ADGRV1: variants seen among roughly 807,000 people sequenced by gnomAD.
ADGRV1 encodes the protein G-protein coupled receptor 98.
In ADGRV1, 359 loss-of-function variants were observed where a neutral mutation model predicts 596.2. The ratio of observed to expected loss-of-function variants is 0.60; its 90% confidence interval spans 0.55 to 0.66. The LOEUF (loss-of-function observed/expected upper bound fraction) is 0.66. Among genes scored for constraint, ADGRV1 ranks in the 30% least tolerant of loss-of-function variants. ADGRV1 has a pLI of 0.00. For missense variants in ADGRV1, 7,274 were observed against 7,575.6 expected, an observed-to-expected ratio of 0.96 and a Z score of 1.48; for synonymous variants, 2,681 against 2,679.2, an observed-to-expected ratio of 1.00 and a Z score of -0.02.
At chr5:90,896,466 G>C (rs1561909474) in intron 83 of ADGRV1, among the ~76,000 whole-genome samples, 1 of 151,632 alleles carries the variant, frequency 6.6e-6, no homozygotes, top group Admixed American at 6.6e-5. Context: ...GTAGAGATAG[G>C]GTTTTGCCAT....
rs189967386 is a variant in ADGRV1, at chr5:90,644,711, T to G, written c.2740T>G (p.Tyr914Asp). ...SKGDAIYSAV[Y>D]DVVRNRGNFG... ...TGTATGTTTCCATTTCACAGCTGTT[T>G]ATGATGTAGTAAGAAATCGAGGCAA... Residue 914 changes from tyrosine to aspartate, a missense_variant, in exon 15 of 90, where the codon TAT becomes GAT. This residue lies in a region of ADGRV1 where 1,715 missense variants were observed against 1,708.8 expected (regional missense o/e 1.00). Transcript: ENST00000405460. The G allele has an allele frequency of 4.4e-6, 7 of 1,606,626 alleles. No individual in the cohort carries two copies. The highest frequency in any genetic ancestry group is 2.7e-5 in the African/African-American group (2 of 74,632).
chr5:90,882,788 T>A (rs950431473), intron 83 of ADGRV1, among the ~76,000 whole-genome samples: 1 of 152,162 alleles, frequency 6.6e-6, no homozygotes, highest in African/African-American at 2.4e-5. Context: ...TAAAAAATAG[T>A]CAACTAATAA....
chr5:91,151,059 C>T (rs1796010905), intron 88 of ADGRV1, among the ~76,000 whole-genome samples: 1 of 152,058 alleles, frequency 6.6e-6, no homozygotes, highest in African/African-American at 2.4e-5. Context: ...CCAAGGAAAA[C>T]AGTATTTGTG....
intron 83 of ADGRV1, among the ~76,000 whole-genome samples, chr5:90,870,432 C>T (rs906789534): frequency 8.6e-5 from 13 of 151,990 alleles, no homozygotes; most frequent in Non-Finnish European, 4.4e-5. Flanking sequence ...TTAGAGACCA[C>T]GCTATGTGGA....
rs979127544 is a variant in ADGRV1 at position 90,909,493 on chromosome 5, G to A, written c.17856+45636G>A. Among the ~76,000 whole-genome samples the A allele has an allele frequency of 4.6e-4, 70 of 152,076 alleles. 1 individual carries two copies. Among genetic ancestry groups the A allele is most frequent in the African/African-American group, 1.6e-3 (67 of 41,398 alleles). The stretch of plus-strand genomic sequence containing the variant: ...TGTCCAGCTGACCCACTCCATAGGT[G>A]ATATTCCCAACCAGACAAATTGGAG... On this transcript the variant is annotated intron_variant, in intron 83 of 89. Transcript: ENST00000405460.
At chr5:90,678,841 T>C (rs1640418816) in intron 25 of ADGRV1, among the ~76,000 whole-genome samples, 1 of 151,974 alleles carries the variant, frequency 6.6e-6, no homozygotes, top group African/African-American at 2.4e-5. Flanking sequence ...TGCGATTAAA[T>C]TTCCCACATG....
At chr5:90,845,433 A>T (rs921390472) in intron 78 of ADGRV1, among the ~76,000 whole-genome samples, 4 of 152,118 alleles carry the variant, frequency 2.6e-5, no homozygotes, top group Non-Finnish European at 4.4e-5. Flanking sequence ...TTTAATATGA[A>T]TGAAAGTGTG....
chr5:90,990,543 C>T (rs973087563), intron 85 of ADGRV1, among the ~76,000 whole-genome samples: 1 of 152,180 alleles, frequency 6.6e-6, no homozygotes, highest in South Asian at 2.1e-4. Flanking sequence ...TGACAGGAGG[C>T]AGACCTTAAG....
chr5:91,131,168 A>G (rs1306809779), intron 87 of ADGRV1, among the ~76,000 whole-genome samples: 1 of 152,196 alleles, frequency 6.6e-6, no homozygotes, highest in Non-Finnish European at 1.5e-5. Context: ...TAATAATTCT[A>G]TTTTTGGTTA....
chr5:90,842,145 T>G (rs904064963), intron 78 of ADGRV1, among the ~76,000 whole-genome samples: 1 of 152,224 alleles, frequency 6.6e-6, no homozygotes, highest in African/African-American at 2.4e-5. Context: ...ATGGAAATTC[T>G]GCTACTTTTT....
At chr5:90,758,055 C>A (rs1756024670) in intron 57 of ADGRV1, among the ~76,000 whole-genome samples, 1 of 152,018 alleles carries the variant, frequency 6.6e-6, no homozygotes, top group African/African-American at 2.4e-5. Flanking sequence ...GAAACATTTC[C>A]TAAGTAAAAA....
chr5:90,922,064 T>C (rs571225622), intron 83 of ADGRV1, among the ~76,000 whole-genome samples: 1 of 152,292 alleles, frequency 6.6e-6, no homozygotes, highest in South Asian at 2.1e-4. Context: ...GCCCTAACTC[T>C]ATCAGTATTG....
chr5:90,878,751 C>T (rs1382726095), intron 83 of ADGRV1, among the ~76,000 whole-genome samples: 1 of 152,136 alleles, frequency 6.6e-6, no homozygotes, highest in Non-Finnish European at 1.5e-5. Context: ...GAGATTTATA[C>T]AGATATGAAA....
chr5:91,107,031 G>A (rs192416868), intron 87 of ADGRV1, among the ~76,000 whole-genome samples: 4 of 152,294 alleles, frequency 2.6e-5, no homozygotes, highest in Admixed American at 6.5e-5. Context: ...TTCCCAAACC[G>A]TTATGTGTAG....
At chr5:91,121,193 A>G (rs924366760) in intron 87 of ADGRV1, among the ~76,000 whole-genome samples, 4 of 152,160 alleles carry the variant, frequency 2.6e-5, no homozygotes, top group African/African-American at 9.7e-5. Context: ...ATAAAAAAGG[A>G]AAGTACAGAG....
Position 90,810,519 on chromosome 5 carries a change from G to A in ADGRV1, c.15259G>A (p.Glu5087Lys). ...TIINDQLSEIEEFFYINLTSV... is the reference protein window; with the variant it reads ...TIINDQLSEIKEFFYINLTSV... ...TATTAATGATCAGCTTTCTGAGATA[G>A]AAGAATTTTTTTACATTAACCTTAC... Residue 5087 changes from glutamate (E) to lysine (K), a missense_variant, in exon 74 of 90, where the codon GAA becomes AAA. Physicochemically the swap from Glu to Lys is moderately conservative, Grantham distance 56. Around this residue, in one of 5 missense-constraint regions of ADGRV1, gnomAD observed 1,874 missense variants for 1,970.2 expected, o/e 0.95. Transcript: ENST00000405460. The A allele has an allele frequency of 6.2e-6, 10 of 1,613,926 alleles. No individual in the cohort carries two copies. Among genetic ancestry groups the A allele is most frequent in the Non-Finnish European group, 8.5e-6 (10 of 1,179,820 alleles).
chr5:90,928,948 G>C (rs1000356934), intron 83 of ADGRV1, among the ~76,000 whole-genome samples: 2 of 146,938 alleles, frequency 1.4e-5, no homozygotes, highest in Admixed American at 1.4e-4. Flanking sequence ...CTGCTCGGGG[G>C]TCAGGGGTCA....
intron 42 of ADGRV1, among the ~76,000 whole-genome samples, chr5:90,715,886 A>T (rs1750041220): frequency 1.3e-5 from 2 of 152,174 alleles, no homozygotes. Context: ...TAGGTTAAGC[A>T]ATTAGTAAGT....
intron 21 of ADGRV1, among the ~76,000 whole-genome samples, chr5:90,668,266 C>T (rs1164040246): frequency 3.3e-5 from 5 of 151,958 alleles, no homozygotes; most frequent in Admixed American, 3.3e-4. Flanking sequence ...AGCGAGACTC[C>T]ATGGGTGTAG....
Sources: allele counts gnomAD v4.1 joint callset (sites outside exome capture counted in the v4.1 genomes callset), GRCh38; gene constraint gnomAD v4.1.1; regional missense constraint gnomAD v4.1.1; transcripts MANE v1.5; gene names NCBI Gene and HGNC (gene_info 2026-07-23, HGNC 2026-07-21).